Variants in LRP1B observed in about 807,000 individuals in gnomAD.
LRP1B encodes the protein LDL receptor related protein 1B.
Under a neutral mutation model 556.6 loss-of-function variants are expected in LRP1B, and 217 were observed. That is an observed-to-expected ratio of 0.39 (90% CI 0.35 to 0.44). The LOEUF (loss-of-function observed/expected upper bound fraction) is 0.44, where lower values mean the gene tolerates loss of function less well. Ranked by LOEUF, LRP1B falls within the 20% of genes least tolerant of loss-of-function variation. The pLI is 1.00. For missense variants in LRP1B, 5,053 were observed against 5,620.8 expected, an observed-to-expected ratio of 0.90 and a Z score of 3.23; for synonymous variants, 2,047 against 1,865.8, an observed-to-expected ratio of 1.10 and a Z score of -2.50.
In LRP1B at chr2:140,321,960, C is replaced by G. The variant is rs767608226; in HGVS notation, c.12640+3G>C. 1 of 1,611,084 alleles carries G rather than the reference C, an allele frequency of 6.2e-7. No homozygotes were observed. Among genetic ancestry groups the G allele is most frequent in the Non-Finnish European group, 8.5e-7 (1 of 1,178,610 alleles). On this transcript the variant is annotated splice_donor_region_variant and intron_variant, in intron 82 of 90. Coordinates refer to ENST00000389484, the MANE Select transcript of LRP1B (RefSeq NM_018557.3). ...TATTTACAGAATAATAAAGTATACC[C>G]ACCTAACAGGCTGTCATCATTGCAG... is the stretch of plus-strand genomic sequence containing the variant.
At chr2:141,311,794 T>C (rs528175915) in intron 3 of LRP1B, among the ~76,000 whole-genome samples, 51 of 152,272 alleles carry the variant, frequency 3.3e-4, no homozygotes, top group East Asian at 9.7e-4. Flanking sequence ...AAGAATAAAT[T>C]TATTTTCTTT....
At chr2:141,437,304 G>C (rs1482543854) in intron 3 of LRP1B, among the ~76,000 whole-genome samples, 1 of 151,980 alleles carries the variant, frequency 6.6e-6, no homozygotes, top group African/African-American at 2.4e-5. Context: ...AATTTTGACT[G>C]GTGGACAAAT....
intron 1 of LRP1B, among the ~76,000 whole-genome samples, chr2:141,823,309 C>A (rs915656767): frequency 1.4e-4 from 21 of 152,158 alleles, no homozygotes; most frequent in African/African-American, 5.1e-4. Flanking sequence ...AGGTCTGGGG[C>A]AGCCATAGCC....
At chr2:141,639,351 C>T (rs866196498) in intron 2 of LRP1B, among the ~76,000 whole-genome samples, 4 of 69,478 alleles carry the variant, frequency 5.8e-5, no homozygotes, top group Admixed American at 1.7e-4. Flanking sequence ...TATATATATA[C>T]ACACACACAC....
At chr2:141,015,961 C>G (rs375812881) in intron 12 of LRP1B, 46 bp from the exon 13 acceptor site, 1 of 1,403,982 alleles carries the variant, frequency 7.1e-7, no homozygotes, top group South Asian at 1.2e-5. Context: ...GTTATTACAA[C>G]CAGCCACAGT....
chr2:141,771,543 GA>G (rs1324011839), intron 2 of LRP1B, among the ~76,000 whole-genome samples: 2 of 152,086 alleles, frequency 1.3e-5, no homozygotes, highest in African/African-American at 4.8e-5. Flanking sequence ...AAACAATCTG[GA>G]AATATAAACA....
chr2:141,784,693 A>C (rs1695372063), intron 2 of LRP1B, among the ~76,000 whole-genome samples: 1 of 151,912 alleles, frequency 6.6e-6, no homozygotes, highest in Non-Finnish European at 1.5e-5. Flanking sequence ...CCTCAACTTA[A>C]GTAATGAAGA....
chr2:140,834,661 G>A (rs1439960891), intron 31 of LRP1B, among the ~76,000 whole-genome samples: 4 of 152,172 alleles, frequency 2.6e-5, no homozygotes, highest in South Asian at 2.1e-4. Flanking sequence ...ACAGCGGGTC[G>A]TTTTGGTAAC....
At chr2:140,393,396 G>T (rs1684111137) in intron 66 of LRP1B, among the ~76,000 whole-genome samples, 1 of 151,706 alleles carries the variant, frequency 6.6e-6, no homozygotes, top group African/African-American at 2.4e-5. Context: ...AGTCAGCCAT[G>T]TGTTTTATTC....
At chr2:140,846,756 C>T (rs1573797141) in intron 29 of LRP1B, among the ~76,000 whole-genome samples, 1 of 152,104 alleles carries the variant, frequency 6.6e-6, no homozygotes, top group East Asian at 1.9e-4. Flanking sequence ...CAGAGACCCA[C>T]AGTGCAAGAA....
intron 23 of LRP1B, among the ~76,000 whole-genome samples, chr2:140,887,095 G>C (rs1009455206): frequency 6.6e-6 from 1 of 152,080 alleles, no homozygotes; most frequent in Non-Finnish European, 1.5e-5. Context: ...ATATTGTTGT[G>C]ATCACTTAGA....
intron 41 of LRP1B, among the ~76,000 whole-genome samples, chr2:140,666,121 GTAGT>G (rs1685260767): frequency 6.6e-6 from 1 of 151,880 alleles, no homozygotes; most frequent in Non-Finnish European, 1.5e-5. Flanking sequence ...AGCCTCCCGA[GTAGT>G]TGGGACTACA....
intron 6 of LRP1B, chr2:141,208,102 G>C (rs953432095): frequency 1.3e-5 from 2 of 152,182 alleles, no homozygotes; most frequent in African/African-American, 4.8e-5. Context: ...AGCAGTATCT[G>C]GTCATACTGA....
intron 47 of LRP1B, among the ~76,000 whole-genome samples, chr2:140,529,625 G>A (rs1479504542): frequency 6.6e-6 from 1 of 151,882 alleles, no homozygotes; most frequent in Non-Finnish European, 1.5e-5. Flanking sequence ...TCAAAGGTTT[G>A]CTATGAACTT....
intron 66 of LRP1B, among the ~76,000 whole-genome samples, chr2:140,394,155 G>A (rs1290073501): frequency 7.6e-6 from 1 of 131,512 alleles, no homozygotes; most frequent in Admixed American, 8.3e-5. Context: ...TGGTGCATAC[G>A]CACTTAGTAA....
intron 41 of LRP1B, among the ~76,000 whole-genome samples, chr2:140,671,316 T>G (rs185484054): frequency 2.8e-4 from 42 of 152,122 alleles, no homozygotes; most frequent in Admixed American, 1.2e-3. Context: ...GTCAGGAGAT[T>G]GAGACCATCC....
rs1188208822 is a variant in LRP1B, at chr2:140,357,292, AATG to A, written c.11395+684_11395+686del. 4.0e-5 allele frequency among the ~76,000 whole-genome samples: 6 copies of A among 151,758 alleles called. No homozygotes were observed. The Admixed American group carries it at 4.0e-4, about 10-fold the overall frequency. On this transcript the variant is annotated intron_variant, in intron 74 of 90. Transcript: ENST00000389484. ...GCAATTAGTTAAAATAGGTCAGTGG[AATG>A]ATACCATGGTTTAGACACATGCAGC...
intron 2 of LRP1B, among the ~76,000 whole-genome samples, chr2:141,524,811 G>C (rs1684641285): frequency 6.6e-6 from 1 of 151,278 alleles, no homozygotes; most frequent in Admixed American, 6.6e-5. Context: ...GAGCCAAAGA[G>C]AGACAGAAAG....
At chr2:141,456,285 A>T (rs982196307) in intron 3 of LRP1B, among the ~76,000 whole-genome samples, 1 of 152,286 alleles carries the variant, frequency 6.6e-6, no homozygotes. Flanking sequence ...TTTACTTTTA[A>T]GTTTTTCCAC....
Sources: allele counts gnomAD v4.1 joint callset (sites outside exome capture counted in the v4.1 genomes callset), GRCh38; gene constraint gnomAD v4.1.1; transcripts MANE v1.5; gene names NCBI Gene and HGNC (gene_info 2026-07-23, HGNC 2026-07-21).